PIP4K2A: variants seen among roughly 807,000 people sequenced by gnomAD.
The protein encoded by PIP4K2A is phosphatidylinositol 5-phosphate 4-kinase type-2 alpha.
A neutral mutation model predicts 42.9 loss-of-function variants in PIP4K2A; 14 were observed. The ratio of observed to expected loss-of-function variants is 0.33; its 90% CI spans 0.22 to 0.51. PIP4K2A has a LOEUF of 0.51. PIP4K2A is among the 20% of genes least tolerant of loss of function. The pLI is 0.97. For missense variants in PIP4K2A, 434 were observed against 519.8 expected (o/e 0.83, Z 1.61); for synonymous variants, 192 against 192.2 (o/e 1.00, Z 0.01).
intron 1 of PIP4K2A, among the ~76,000 whole-genome samples, chr10:22,710,682 G>GC (rs1564474717): frequency 6.6e-6 from 1 of 151,978 alleles, no homozygotes; most frequent in Non-Finnish European, 1.5e-5. Context: ...ACTGTGATAG[G>GC]CCCCCCAAAC....
At chr10:22,704,754 T>C (rs1376818638) in intron 1 of PIP4K2A, among the ~76,000 whole-genome samples, 2 of 151,990 alleles carry the variant, frequency 1.3e-5, no homozygotes, top group African/African-American at 2.4e-5. Flanking sequence ...TTATTTTGCT[T>C]TCAAGATGGG....
At chr10:22,601,868 G>A (rs1481587748) in intron 3 of PIP4K2A, among the ~76,000 whole-genome samples, 1 of 152,164 alleles carries the variant, frequency 6.6e-6, no homozygotes, top group Non-Finnish European at 1.5e-5. Flanking sequence ...CCCTCCCTCT[G>A]TGACCCGCAT....
chr10:22,654,819 C>A (rs1311626811), intron 1 of PIP4K2A, among the ~76,000 whole-genome samples: 1 of 152,090 alleles, frequency 6.6e-6, no homozygotes, highest in African/African-American at 2.4e-5. Context: ...GAGATGTGTG[C>A]GACTGCTTTG....
At chr10:22,694,506 T>C (rs773211470) in intron 1 of PIP4K2A, 9 of 152,226 alleles carry the variant, frequency 5.9e-5, no homozygotes, top group Non-Finnish European at 8.8e-5. Flanking sequence ...GCAAAATACA[T>C]AGAAGAATTG....
chr10:22,567,446 G>A (rs549724234), intron 6 of PIP4K2A: 10 of 383,060 alleles, frequency 2.6e-5, no homozygotes, highest in South Asian at 8.4e-5. Context: ...CAGACTCAGC[G>A]ATGCAAAGAA....
At chr10:22,605,661 A>G (rs182861621) in intron 3 of PIP4K2A, among the ~76,000 whole-genome samples, 1 of 152,338 alleles carries the variant, frequency 6.6e-6, no homozygotes, top group East Asian at 1.9e-4. Context: ...ACAAGATAAG[A>G]TAGATGCATG....
chr10:22,651,410 G>A (rs1481434147), intron 1 of PIP4K2A, among the ~76,000 whole-genome samples: 1 of 152,096 alleles, frequency 6.6e-6, no homozygotes, highest in African/African-American at 2.4e-5. Flanking sequence ...CCAACTCTAT[G>A]CCCTGTGGCC....
intron 1 of PIP4K2A, among the ~76,000 whole-genome samples, chr10:22,702,479 G>A (rs927482460): frequency 2.0e-5 from 3 of 152,062 alleles, no homozygotes; most frequent in African/African-American, 4.8e-5. Context: ...TTCACTTGGC[G>A]GCCCTTCAAC....
chr10:22,615,155 G>A (rs1186935028), intron 1 of PIP4K2A, among the ~76,000 whole-genome samples: 1 of 152,102 alleles, frequency 6.6e-6, no homozygotes, highest in African/African-American at 2.4e-5. Flanking sequence ...TGCTCAGGCT[G>A]GAGTGCAGGG....
Position 22,636,737 on chromosome 10 carries a change from G to A in PIP4K2A, c.145-27020C>T, listed in dbSNP as rs143882841. On this transcript the variant is annotated intron_variant, in intron 1 of 9. Coordinates refer to ENST00000376573, the MANE Select transcript of PIP4K2A (RefSeq NM_005028.5). ...AATATGTGGACGACTGCATATTAAC[G>A]GTCCCCGATGAATCACACTCCTAGG... Among the ~76,000 whole-genome samples the A allele has an allele frequency of 1.8e-3, 269 of 152,264 alleles. 2 individuals carry two copies. Among genetic ancestry groups the A allele is most frequent in the African/African-American group, 5.8e-3 (242 of 41,548 alleles).
At chr10:22,539,379 C>T (rs1182239406) in intron 9 of PIP4K2A, 1 of 152,528 alleles carries the variant, frequency 6.6e-6, no homozygotes, top group Non-Finnish European at 1.5e-5. Context: ...GTGAAAACTC[C>T]CATCAAGCAA....
chr10:22,607,075 A>C (rs73598581), intron 3 of PIP4K2A, among the ~76,000 whole-genome samples: 10,096 of 152,290 alleles, frequency 0.066, 1,119 homozygotes, highest in African/African-American at 0.23. Context: ...ATGATCAGAA[A>C]ATATTCGATT....
chr10:22,660,746 A>T (rs933908929), intron 1 of PIP4K2A, among the ~76,000 whole-genome samples: 9 of 152,118 alleles, frequency 5.9e-5, no homozygotes, highest in African/African-American at 1.9e-4. Context: ...CAGCCTCCTA[A>T]CTCTATGACA....
intron 4 of PIP4K2A, among the ~76,000 whole-genome samples, chr10:22,589,409 A>C (rs1837463409): frequency 1.3e-5 from 2 of 152,262 alleles, no homozygotes; most frequent in Admixed American, 6.5e-5. Context: ...CTGTAGAATA[A>C]GAGGCAGTAG....
chr10:22,579,619 AT>A (rs1837210962), intron 4 of PIP4K2A, among the ~76,000 whole-genome samples: 1 of 152,140 alleles, frequency 6.6e-6, no homozygotes, highest in South Asian at 2.1e-4. Context: ...AAGATGCTCC[AT>A]TCTGGCCGGG....
chr10:22,699,552 T>C (rs1833671188), intron 1 of PIP4K2A, among the ~76,000 whole-genome samples: 1 of 151,758 alleles, frequency 6.6e-6, no homozygotes, highest in Non-Finnish European at 1.5e-5. Flanking sequence ...GTAAGAAAAC[T>C]CAAAGGGCCG....
chr10:22,576,925 T>C lies in PIP4K2A; in HGVS notation c.493-3468A>G, dbSNP rs562174662. On this transcript the variant is annotated intron_variant, in intron 4 of 9. Coordinates refer to ENST00000376573, the MANE Select transcript of PIP4K2A (RefSeq NM_005028.5). ...CTCGTCTCTGCTAAAAATACAAAAA[T>C]TAGCCAGATGTGGTGGTGCATGCCT... Among the ~76,000 whole-genome samples, 3 of 151,830 alleles carry C rather than the reference T, an allele frequency of 2.0e-5. No individual in the cohort carries two copies. The South Asian group carries it at 6.3e-4, about 32-fold the overall frequency.
intron 6 of PIP4K2A, among the ~76,000 whole-genome samples, chr10:22,555,433 C>A (rs1335590342): frequency 6.6e-6 from 1 of 152,204 alleles, no homozygotes; most frequent in African/African-American, 2.4e-5. Flanking sequence ...ATATGCTAAT[C>A]ATGTTCTCAA....
chr10:22,554,633 G>A (rs1031105671), intron 6 of PIP4K2A, among the ~76,000 whole-genome samples: 1 of 152,224 alleles, frequency 6.6e-6, no homozygotes, highest in Non-Finnish European at 1.5e-5. Flanking sequence ...TCCAGCCAGC[G>A]GTCAGCAACC....
Sources: allele counts gnomAD v4.1 joint callset (sites outside exome capture counted in the v4.1 genomes callset), GRCh38; gene constraint gnomAD v4.1.1; transcripts MANE v1.5; gene names NCBI Gene and HGNC (gene_info 2026-07-23, HGNC 2026-07-21).